Variants in EPB41L4B observed in about 807,000 individuals in gnomAD.
The protein encoded by EPB41L4B is erythrocyte membrane protein band 4.1 like 4B, also known as band 4.1-like protein 4B.
In EPB41L4B, 30 loss-of-function variants were observed where a neutral mutation model predicts 112.5. The ratio of observed to expected loss-of-function variants is 0.27; its 90% confidence interval spans 0.20 to 0.36. The LOEUF (loss-of-function observed/expected upper bound fraction) is 0.36. EPB41L4B is among the 10% of genes least tolerant of loss of function. EPB41L4B has a pLI of 1.00. For missense variants in EPB41L4B, 1,024 were observed against 1,133.3 expected, an observed-to-expected ratio of 0.90 and a Z score of 1.38; for synonymous variants, 408 against 439.7, an observed-to-expected ratio of 0.93 and a Z score of 0.90.
At chr9:109,317,963 T>C (rs1407704457) in intron 1 of EPB41L4B, among the ~76,000 whole-genome samples, 2 of 152,188 alleles carry the variant, frequency 1.3e-5, no homozygotes, top group Non-Finnish European at 2.9e-5. Context: ...CAGAATTAAT[T>C]ACAGGAGCAC....
intron 22 of EPB41L4B, among the ~76,000 whole-genome samples, chr9:109,191,941 A>C (rs936747403): frequency 2.0e-5 from 3 of 152,184 alleles, no homozygotes; most frequent in African/African-American, 7.2e-5. Flanking sequence ...ACAGCAAGAG[A>C]TTCCCCACGG....
At position 109,213,790 on chromosome 9, in the gene EPB41L4B, G is replaced by C. The variant is rs1170274697; in HGVS notation, c.1662C>G (p.Phe554Leu). The C allele has an allele frequency of 6.2e-7, 1 of 1,614,158 alleles. No homozygotes were observed. The highest frequency in any genetic ancestry group is 8.5e-7 in the Non-Finnish European group (1 of 1,180,008). Residue 554 changes from phenylalanine to leucine, a missense_variant, in exon 17 of 26, where the codon TTC (phenylalanine) becomes TTG (leucine). By Grantham distance (22) the Phe-to-Leu change is conservative (BLOSUM62 0). Transcript: ENST00000374566. ...TKLSPGTPAL[F>L]SEAAAHLKKL... is the part of the protein sequence containing the mutation. Reference sequence around the variant, plus strand: ...TCTTTAGATGGGCAGCGGCTTCACTGAACAAGGCAGGTGTTCCTGGACTCA... The same window carrying C: ...TCTTTAGATGGGCAGCGGCTTCACTCAACAAGGCAGGTGTTCCTGGACTCA...
intron 16 of EPB41L4B, among the ~76,000 whole-genome samples, chr9:109,216,638 A>G (rs1833377707): frequency 8.5e-6 from 1 of 117,882 alleles, no homozygotes; most frequent in Non-Finnish European, 1.7e-5. Flanking sequence ...CAGACTCCAG[A>G]CTCCATCTCA....
At chr9:109,179,578 G>A (rs563271603) in intron 24 of EPB41L4B, among the ~76,000 whole-genome samples, 282 of 152,136 alleles carry the variant, frequency 1.9e-3, no homozygotes, top group Admixed American at 3.4e-3. Context: ...GTGTCCACCT[G>A]GATGTTTCAA....
intron 1 of EPB41L4B, among the ~76,000 whole-genome samples, chr9:109,289,004 C>T (rs906373728): frequency 5.3e-5 from 8 of 152,160 alleles, no homozygotes; most frequent in Admixed American, 1.3e-4. Context: ...AGGACTAAGA[C>T]ACCCACCCCC....
At chr9:109,219,208 G>T (rs1833489067) in intron 15 of EPB41L4B, among the ~76,000 whole-genome samples, 1 of 152,164 alleles carries the variant, frequency 6.6e-6, no homozygotes, top group South Asian at 2.1e-4. Flanking sequence ...CTTCTAATGA[G>T]AGTGTTCTGG....
intron 2 of EPB41L4B, among the ~76,000 whole-genome samples, chr9:109,275,522 G>T (rs952257810): frequency 1.3e-5 from 2 of 152,118 alleles, no homozygotes; most frequent in African/African-American, 4.8e-5. Context: ...CAGGCAAGGC[G>T]GGCCTTACAG....
At chr9:109,219,579 C>A (rs1184955261) in intron 15 of EPB41L4B, among the ~76,000 whole-genome samples, 1 of 151,804 alleles carries the variant, frequency 6.6e-6, no homozygotes, top group Non-Finnish European at 1.5e-5. Flanking sequence ...CCAGGACGGT[C>A]TCGATCTCCT....
rs1292600206 is a variant in EPB41L4B, at chr9:109,182,624, GT to G, written c.2487+104del. 1.2e-5 allele frequency: 10 copies of G among 809,654 alleles called. No homozygotes were observed. The African/African-American group carries it at 1.7e-4, about 14-fold the overall frequency. The allele number at this position is 809,654 out of a possible 1,614,324, so 50.2% of individuals were successfully genotyped here. A position where few individuals can be genotyped will look rare whatever the true frequency, so the allele number is the denominator to read the frequency against. Reference sequence around the variant, plus strand: ...CTTCCCAACCTCACAGAGTTCAACGGTGATCAAAAGAAGCGGTTGACCTTGC... The same window carrying G: ...CTTCCCAACCTCACAGAGTTCAACGGGATCAAAAGAAGCGGTTGACCTTGC... On this transcript the variant is annotated intron_variant, in intron 24 of 25. Coordinates refer to ENST00000374566, the MANE Select transcript of EPB41L4B (RefSeq NM_019114.5).
intron 1 of EPB41L4B, among the ~76,000 whole-genome samples, chr9:109,306,349 C>T (rs771272657): frequency 6.6e-6 from 1 of 152,142 alleles, no homozygotes; most frequent in East Asian, 1.9e-4. Context: ...TGGTGGCTCA[C>T]GCCTGTAACC....
intron 14 of EPB41L4B, among the ~76,000 whole-genome samples, chr9:109,246,413 G>C (rs1354165069): frequency 1.3e-5 from 2 of 152,136 alleles, no homozygotes; most frequent in Non-Finnish European, 2.9e-5. Context: ...TCTTGCCTTG[G>C]CTTCCCAACG....
chr9:109,248,653 CG>C (rs1834650742), intron 13 of EPB41L4B, among the ~76,000 whole-genome samples: 1 of 152,054 alleles, frequency 6.6e-6, no homozygotes, highest in South Asian at 2.1e-4. Context: ...ACATGTTGCC[CG>C]GGCTGGTCCT....
intron 2 of EPB41L4B, among the ~76,000 whole-genome samples, chr9:109,273,812 T>C (rs764278700): frequency 2.0e-5 from 3 of 152,226 alleles, no homozygotes; most frequent in Admixed American, 6.5e-5. Flanking sequence ...CCAGCAGTTG[T>C]AACATAGATC....
At chr9:109,217,310 A>G (rs1833410869) in intron 15 of EPB41L4B, among the ~76,000 whole-genome samples, 165 bp from the exon 16 acceptor site, 1 of 152,252 alleles carries the variant, frequency 6.6e-6, no homozygotes, top group South Asian at 2.1e-4. Flanking sequence ...TATACTTAAG[A>G]AAAAGAGCAA....
At chr9:109,243,934 G>C (rs536399202) in intron 14 of EPB41L4B, among the ~76,000 whole-genome samples, 5 of 152,334 alleles carry the variant, frequency 3.3e-5, no homozygotes, top group African/African-American at 9.6e-5. Context: ...CTGGGAAGCT[G>C]CCCTTAGAAG....
chr9:109,194,893 T>C (rs10979743), intron 20 of EPB41L4B, among the ~76,000 whole-genome samples: 16,033 of 152,244 alleles, frequency 0.11, 1,504 homozygotes, highest in African/African-American at 0.25. Context: ...ACACACTCTA[T>C]GTTCCTCTGT....
intron 22 of EPB41L4B, among the ~76,000 whole-genome samples, chr9:109,187,197 T>C (rs952885050): frequency 6.6e-6 from 1 of 152,168 alleles, no homozygotes; most frequent in African/African-American, 2.4e-5. Context: ...CATCCTGCTG[T>C]GAAGAATAAA....
At chr9:109,318,446 C>G (rs1252448771) in intron 1 of EPB41L4B, among the ~76,000 whole-genome samples, 1 of 152,180 alleles carries the variant, frequency 6.6e-6, no homozygotes, top group East Asian at 1.9e-4. Context: ...CCACTTAAGC[C>G]TGTCTCATGG....
chr9:109,271,054 G>A (rs753896501), intron 2 of EPB41L4B, among the ~76,000 whole-genome samples: 11 of 152,226 alleles, frequency 7.2e-5, no homozygotes, highest in Non-Finnish European at 1.5e-4. Context: ...ATTGCTGTTT[G>A]GGCTCTGCAA....
Sources: gnomAD v4.1 joint callset for allele counts (sites outside exome capture counted in the v4.1 genomes callset) on GRCh38, gnomAD v4.1.1 for gene constraint, MANE v1.5 for transcripts, NCBI Gene and HGNC (gene_info 2026-07-23, HGNC 2026-07-21) for gene names.